The following C8orf74 variants were observed in gnomAD, a reference collection of about 807,000 sequenced individuals.
C8orf74 encodes the protein uncharacterized protein C8orf74.
Under a neutral mutation model 22.2 loss-of-function variants are expected in C8orf74, and 29 were observed. The observed-to-expected ratio is 1.31, with a 90% CI of 0.97 to 1.78. The LOEUF (loss-of-function observed/expected upper bound fraction) is 1.78, where lower values mean the gene tolerates loss of function less well. Among genes scored for constraint, C8orf74 ranks in the 40% most tolerant of loss-of-function variants. The pLI, the probability that C8orf74 is intolerant of heterozygous loss-of-function variation, is 0.00. For synonymous variants in C8orf74, 255 were observed against 163.1 expected, an observed-to-expected ratio of 1.56 and a Z score of -4.30; for missense variants, 515 against 369.9, an observed-to-expected ratio of 1.39 and a Z score of -3.22.
chr8:10,687,000 G>T, intron 2 of C8orf74: 1 of 431,604 alleles, frequency 2.3e-6, no homozygotes, highest in Non-Finnish European at 4.7e-6. Context: ...CCAGGCAACC[G>T]CCAAGAAGGG....
chr8:10,682,804 C>A (rs1428366107), intron 2 of C8orf74, among the ~76,000 whole-genome samples: 2 of 152,228 alleles, frequency 1.3e-5, no homozygotes, highest in Non-Finnish European at 2.9e-5. Context: ...CCATAGAAAC[C>A]TTCCCCTGCC....
At chr8:10,683,551 G>T (rs1399662202) in intron 2 of C8orf74, among the ~76,000 whole-genome samples, 3 of 152,186 alleles carry the variant, frequency 2.0e-5, no homozygotes, top group African/African-American at 7.2e-5. Context: ...ATCTCTGGGG[G>T]ATGATGACCA....
chr8:10,678,171 G>A (rs977964011), intron 2 of C8orf74, among the ~76,000 whole-genome samples: 9 of 152,170 alleles, frequency 5.9e-5, no homozygotes, highest in Admixed American at 5.9e-4. Context: ...GGTCCAGAGG[G>A]AAAATTCAGG....
At chr8:10,685,355 A>G (rs1421354747) in intron 2 of C8orf74, among the ~76,000 whole-genome samples, 2 of 152,334 alleles carry the variant, frequency 1.3e-5, no homozygotes, top group South Asian at 2.1e-4. Context: ...ATGCTCATAG[A>G]AGTATTACTC....
intron 2 of C8orf74, 62 bp from the exon 3 acceptor site, chr8:10,697,537 C>G: frequency 6.8e-7 from 1 of 1,471,084 alleles, no homozygotes; most frequent in East Asian, 2.3e-5. Flanking sequence ...GAGCCCACAT[C>G]CACTGCCTGG....
At chr8:10,682,314 T>C (rs1057469116) in intron 2 of C8orf74, among the ~76,000 whole-genome samples, 9 of 152,192 alleles carry the variant, frequency 5.9e-5, no homozygotes, top group African/African-American at 2.2e-4. Flanking sequence ...AGCTCTCCTT[T>C]TGTAGATGCC....
At chr8:10,677,994 C>G (rs189840531) in intron 2 of C8orf74, among the ~76,000 whole-genome samples, 164 of 152,332 alleles carry the variant, frequency 1.1e-3, no homozygotes, top group African/African-American at 3.7e-3. Context: ...GAAATCTGCT[C>G]AGCCTTAATC....
chr8:10,686,122 T>C lies in C8orf74; in HGVS notation c.241+11284T>C, dbSNP rs575427258. Among the ~76,000 whole-genome samples, 12 of 152,312 alleles carry C rather than the reference T, an allele frequency of 7.9e-5. No individual in the cohort carries two copies. The South Asian group carries it at 1.9e-3, about 24-fold the overall frequency. On this transcript the variant is annotated intron_variant, in intron 2 of 3. Coordinates refer to ENST00000304519, the MANE Select transcript of C8orf74 (RefSeq NM_001040032.2). The stretch of plus-strand genomic sequence containing the variant: ...ATGGTCAGTGTTATGTTATGTATAT[T>C]ACAACAATTGAAAAATTAAATTTAA...
At chr8:10,672,838 T>C in intron 1 of C8orf74, 125 bp downstream of exon 1, 1 of 778,586 alleles carries the variant, frequency 1.3e-6, no homozygotes, top group Non-Finnish European at 2.1e-6. Flanking sequence ...GCACAGCACC[T>C]CTGAGGCTGT....
intron 2 of C8orf74, among the ~76,000 whole-genome samples, chr8:10,693,752 G>A (rs993892925): frequency 2.0e-5 from 3 of 152,212 alleles, no homozygotes; most frequent in Non-Finnish European, 2.9e-5. Flanking sequence ...GAACCTGGGG[G>A]TTGTGCCAGT....
chr8:10,697,722 A>G lies in C8orf74; in HGVS notation c.365A>G (p.Tyr122Cys). 1 of 1,613,976 alleles carries G rather than the reference A, an allele frequency of 6.2e-7. No homozygotes were observed. Among genetic ancestry groups the G allele is most frequent in the South Asian group, 1.1e-5 (1 of 91,082 alleles). Reference sequence around the variant, plus strand: ...TTCCACCACACCTTCATCCGCCACTACAAACTCTACCAGTATGTCCTGGGC... The same window carrying G: ...TTCCACCACACCTTCATCCGCCACTGCAAACTCTACCAGTATGTCCTGGGC... ...DYFHHTFIRH[Y>C]KLYQYVLGQD... Residue 122 changes from tyrosine (Y) to cysteine (C), a missense_variant, in exon 3 of 4, where the codon TAC becomes TGC. Tyr to Cys is a radical substitution (Grantham distance 194). Transcript: ENST00000304519.
chr8:10,695,489 G>A (rs2129058792), intron 2 of C8orf74, among the ~76,000 whole-genome samples: 1 of 152,300 alleles, frequency 6.6e-6, no homozygotes, highest in East Asian at 1.9e-4. Context: ...GTCACTCCCA[G>A]CACATCCTAA....
intron 2 of C8orf74, among the ~76,000 whole-genome samples, chr8:10,693,245 T>A (rs1255517310): frequency 1.3e-5 from 2 of 152,162 alleles, no homozygotes; most frequent in Non-Finnish European, 2.9e-5. Flanking sequence ...CTGCTCCCCC[T>A]CTTGCCTTGC....
At chr8:10,681,019 C>T (rs1299260444) in intron 2 of C8orf74, among the ~76,000 whole-genome samples, 1 of 151,320 alleles carries the variant, frequency 6.6e-6, no homozygotes, top group Non-Finnish European at 1.5e-5. Flanking sequence ...TAATCTGGAG[C>T]TAAGGATGGT....
intron 3 of C8orf74, among the ~76,000 whole-genome samples, chr8:10,698,647 C>T (rs936149216): frequency 5.9e-5 from 9 of 152,136 alleles, no homozygotes; most frequent in African/African-American, 1.9e-4. Flanking sequence ...GGGTAGCTGA[C>T]TTCTTGAGGG....
intron 3 of C8orf74, among the ~76,000 whole-genome samples, chr8:10,698,279 C>T (rs1297699412): frequency 6.6e-6 from 1 of 152,204 alleles, no homozygotes; most frequent in African/African-American, 2.4e-5. Flanking sequence ...TGGACTGAGG[C>T]CTGGCTGACC....
At chr8:10,677,516 T>G (rs1563155107) in intron 2 of C8orf74, among the ~76,000 whole-genome samples, 1 of 152,214 alleles carries the variant, frequency 6.6e-6, no homozygotes. Context: ...ATTTTAGTCT[T>G]CAGATGCTAT....
chr8:10,687,911 T>C (rs969949696), intron 2 of C8orf74, among the ~76,000 whole-genome samples: 1 of 152,104 alleles, frequency 6.6e-6, no homozygotes, highest in Non-Finnish European at 1.5e-5. Context: ...AATTAAAACA[T>C]TATCAGCAGC....
chr8:10,693,263 C>A (rs570977752), intron 2 of C8orf74, among the ~76,000 whole-genome samples: 1 of 152,214 alleles, frequency 6.6e-6, no homozygotes, highest in African/African-American at 2.4e-5. Context: ...TGCCCTTCAC[C>A]ACCTCTCTTT....
Sources: allele counts gnomAD v4.1 joint callset (sites outside exome capture counted in the v4.1 genomes callset), GRCh38; gene constraint gnomAD v4.1.1; transcripts MANE v1.5; gene names NCBI Gene and HGNC (gene_info 2026-07-23, HGNC 2026-07-21).